Variants in FAM3D observed in about 807,000 individuals in gnomAD.
The protein encoded by FAM3D is FAM3 metabolism regulating signaling molecule D, also known as protein FAM3D.
Under a neutral mutation model 29.8 loss-of-function variants are expected in FAM3D, and 26 were observed. That is an observed-to-expected ratio of 0.87 (90% CI 0.64 to 1.21). FAM3D has a LOEUF of 1.21. FAM3D is among the 50% of genes most tolerant of loss of function. The pLI is 0.00. For missense variants in FAM3D, 253 were observed against 290.9 expected, an observed-to-expected ratio of 0.87 and a Z score of 0.95; for synonymous variants, 115 against 102.3, an observed-to-expected ratio of 1.12 and a Z score of -0.75.
intron 1 of FAM3D, among the ~76,000 whole-genome samples, chr3:58,660,958 A>G (rs539405270): frequency 3.3e-5 from 5 of 152,324 alleles, no homozygotes; most frequent in African/African-American, 1.2e-4. Flanking sequence ...AGGAGACCAC[A>G]CATTCTTAAC....
chr3:58,653,269 T>G (rs1028391945), intron 3 of FAM3D, among the ~76,000 whole-genome samples: 1 of 151,864 alleles, frequency 6.6e-6, no homozygotes, highest in African/African-American at 2.4e-5. Context: ...GGAGGGCAGG[T>G]GGGGGGGATC....
intron 6 of FAM3D, among the ~76,000 whole-genome samples, chr3:58,640,814 T>A (rs1373954717): frequency 6.6e-6 from 1 of 152,156 alleles, no homozygotes; most frequent in African/African-American, 2.4e-5. Flanking sequence ...GATGGAGGCG[T>A]TGCAGAGGGG....
chr3:58,653,625 C>T lies in FAM3D; in HGVS notation c.121+49G>A, dbSNP rs1461485992. On this transcript the variant is annotated intron_variant, in intron 3 of 9. Coordinates refer to ENST00000358781, the MANE Select transcript of FAM3D (RefSeq NM_138805.3). ...ATGGAGGGAAGAATATGTCTTCGGCCCCCAGGCCTGGTCTGCAGTTCCTGC... is the reference window on the plus strand; with the variant it reads ...ATGGAGGGAAGAATATGTCTTCGGCTCCCAGGCCTGGTCTGCAGTTCCTGC... 5.2e-6 allele frequency: 8 copies of T among 1,546,252 alleles called. No homozygotes were observed. In the Admixed American group the frequency reaches 6.7e-5, roughly 13 times the overall value.
At chr3:58,641,020 A>C (rs567282695) in intron 6 of FAM3D, among the ~76,000 whole-genome samples, 37 of 150,648 alleles carry the variant, frequency 2.5e-4, no homozygotes, top group Non-Finnish European at 4.9e-4. Context: ...CTTGTGAATG[A>C]TTCTGCAATT....
At chr3:58,646,906 T>G (rs1575479762) in intron 4 of FAM3D, among the ~76,000 whole-genome samples, 1 of 152,204 alleles carries the variant, frequency 6.6e-6, no homozygotes, top group Non-Finnish European at 1.5e-5. Context: ...CTGAGGCTGG[T>G]AGGGACCATG....
In FAM3D at chr3:58,655,578, G is replaced by C. The variant is rs781539064; in HGVS notation, c.-15C>G. Reference sequence around the variant, plus strand: ...GACACTCTCATCCTGTCCAGGTGAAGGGTGGCTTGGGGTCAGCTTCCACCT... The same window carrying C: ...GACACTCTCATCCTGTCCAGGTGAACGGTGGCTTGGGGTCAGCTTCCACCT... On this transcript the variant is annotated 5_prime_UTR_variant, in exon 2 of 10. Transcript: ENST00000358781. The C allele has an allele frequency of 2.5e-6, 4 of 1,612,934 alleles. No individual in the cohort carries two copies. The East Asian group carries it at 8.9e-5, about 36-fold the overall frequency.
chr3:58,652,765 C>G (rs1267035753), intron 3 of FAM3D, among the ~76,000 whole-genome samples: 3 of 152,108 alleles, frequency 2.0e-5, no homozygotes, highest in African/African-American at 4.8e-5. Flanking sequence ...ATCTGTCCAT[C>G]TACTCATCCC....
chr3:58,643,774 C>G (rs999432063), intron 5 of FAM3D, 54 bp from the exon 6 acceptor site: 2 of 1,551,580 alleles, frequency 1.3e-6, no homozygotes, highest in African/African-American at 2.7e-5. Flanking sequence ...GGAATGAACA[C>G]TCTGCTCTCC....
At chr3:58,663,315 A>G (rs1480069304) in intron 1 of FAM3D, among the ~76,000 whole-genome samples, 1 of 152,164 alleles carries the variant, frequency 6.6e-6, no homozygotes, top group Non-Finnish European at 1.5e-5. Context: ...CACCACATGA[A>G]CACAGGCTGT....
At chr3:58,664,092 T>C (rs200076927) in intron 1 of FAM3D, among the ~76,000 whole-genome samples, 1 of 151,666 alleles carries the variant, frequency 6.6e-6, no homozygotes, top group African/African-American at 2.4e-5. Context: ...AAAGCTTCTC[T>C]CTACCGTTCA....
intron 1 of FAM3D, among the ~76,000 whole-genome samples, chr3:58,665,742 C>G (rs1354127188): frequency 6.6e-6 from 1 of 152,178 alleles, no homozygotes; most frequent in Admixed American, 6.5e-5. Flanking sequence ...ACTGCCTTGG[C>G]TCTCCGTCTG....
intron 8 of FAM3D, among the ~76,000 whole-genome samples, 176 bp from the exon 9 acceptor site, chr3:58,636,596 C>G (rs554394908): frequency 6.6e-6 from 1 of 152,328 alleles, no homozygotes; most frequent in African/African-American, 2.4e-5. Context: ...TCAAGACTTC[C>G]TCTCTAAAAG....
At chr3:58,647,075 A>G (rs1292443823) in intron 4 of FAM3D, among the ~76,000 whole-genome samples, 2 of 152,128 alleles carry the variant, frequency 1.3e-5, no homozygotes, top group African/African-American at 2.4e-5. Flanking sequence ...ACACCAGGGA[A>G]CCCTGCTGGC....
Position 58,649,509 on chromosome 3 carries a change from C to T in FAM3D, c.122-171G>A, listed in dbSNP as rs1452402977. ...ACCCCTTCACACACATACATACACACACAGCACACATATACACAGATACAC... is the reference window on the plus strand; with the variant it reads ...ACCCCTTCACACACATACATACACATACAGCACACATATACACAGATACAC... On this transcript the variant is annotated intron_variant, in intron 3 of 9. Transcript: ENST00000358781. 5 of 688,418 alleles carry T rather than the reference C, an allele frequency of 7.3e-6. No homozygotes were observed. In the East Asian group the frequency reaches 1.4e-4, roughly 19 times the overall value. The allele number at this position is 688,418 out of a possible 1,614,324, so 42.6% of individuals were successfully genotyped here. A position where few individuals can be genotyped will look rare whatever the true frequency, so the allele number is the denominator to read the frequency against.
At chr3:58,638,270 T>C (rs2066231715) in intron 7 of FAM3D, among the ~76,000 whole-genome samples, 1 of 152,212 alleles carries the variant, frequency 6.6e-6, no homozygotes, top group Admixed American at 6.5e-5. Context: ...TAGTTTCCTT[T>C]TAAGATATAT....
chr3:58,662,962 G>A (rs2066960452), intron 1 of FAM3D, among the ~76,000 whole-genome samples: 1 of 152,156 alleles, frequency 6.6e-6, no homozygotes, highest in South Asian at 2.1e-4. Context: ...GTGCAGTGGC[G>A]ATCTCAGCTC....
At chr3:58,648,654 T>C (rs1442788429) in intron 4 of FAM3D, among the ~76,000 whole-genome samples, 2 of 152,210 alleles carry the variant, frequency 1.3e-5, no homozygotes, top group Non-Finnish European at 1.5e-5. Flanking sequence ...TCGTTACTAG[T>C]ACCATCATCA....
chr3:58,655,720 C>A, intron 1 of FAM3D, 119 bp from the exon 2 acceptor site: 1 of 737,518 alleles, frequency 1.4e-6, no homozygotes. Context: ...TTGGGTTCCT[C>A]ACCACCTGCC....
intron 3 of FAM3D, among the ~76,000 whole-genome samples, chr3:58,650,481 T>C (rs1239305727): frequency 6.6e-6 from 1 of 152,036 alleles, no homozygotes; most frequent in Admixed American, 6.6e-5. Context: ...AGAGGAGCCA[T>C]CGTGCCTGCC....
Sources: gnomAD v4.1 joint callset for allele counts (sites outside exome capture counted in the v4.1 genomes callset) on GRCh38, gnomAD v4.1.1 for gene constraint, MANE v1.5 for transcripts, NCBI Gene and HGNC (gene_info 2026-07-23, HGNC 2026-07-21) for gene names.